CDH23: variants seen among roughly 807,000 people sequenced by gnomAD.
The protein encoded by CDH23 is cadherin-23.
In CDH23, 189 loss-of-function variants were observed where a neutral mutation model predicts 317.1. That is an observed-to-expected ratio of 0.60 (90% CI 0.53 to 0.67). CDH23 has a LOEUF of 0.67. CDH23 is among the 30% of genes least tolerant of loss of function. The pLI is 0.00. For synonymous variants in CDH23, 1,839 were observed against 1,876.8 expected (o/e 0.98, Z 0.52); for missense variants, 4,401 against 4,592.4 (o/e 0.96, Z 1.20).
At chr10:71,777,574 C>T in intron 38 of CDH23, 106 bp from the exon 39 acceptor site, 1 of 949,294 alleles carries the variant, frequency 1.1e-6, no homozygotes, top group Non-Finnish European at 1.6e-6. Flanking sequence ...CTTGCCCTTT[C>T]TGTTTGAGTC....
At chr10:71,761,515 C>A in intron 38 of CDH23, 1 of 1,418,848 alleles carries the variant, frequency 7.0e-7, no homozygotes, top group East Asian at 2.5e-5. Context: ...CACACTCTGC[C>A]CAGCACAGTG....
At chr10:71,737,605 G>A in intron 34 of CDH23, 1 of 449,656 alleles carries the variant, frequency 2.2e-6, no homozygotes, top group Non-Finnish European at 4.5e-6. Context: ...AACCCCACAT[G>A]CAGGGAAGCA....
At chr10:71,803,140 A>G in intron 54 of CDH23, 65 bp downstream of exon 54, 1 of 1,603,036 alleles carries the variant, frequency 6.2e-7, no homozygotes. Flanking sequence ...CTGCCAGCCC[A>G]GGCCAGGAGT....
chr10:71,436,139 G>T (rs539318437), intron 1 of CDH23, among the ~76,000 whole-genome samples: 4 of 152,276 alleles, frequency 2.6e-5, no homozygotes, highest in Non-Finnish European at 5.9e-5. Context: ...GCAGAGTCAG[G>T]TTGGAGCTGA....
intron 40 of CDH23, 64 bp from the exon 41 acceptor site, chr10:71,779,203 G>A: frequency 6.7e-7 from 1 of 1,492,784 alleles, no homozygotes; most frequent in Non-Finnish European, 9.3e-7. Context: ...ACAGAGGAAG[G>A]AACTGAGGCC....
intron 3 of CDH23, among the ~76,000 whole-genome samples, chr10:71,472,856 G>A (rs1384739122): frequency 1.3e-5 from 2 of 152,194 alleles, no homozygotes; most frequent in Non-Finnish European, 1.5e-5. Context: ...AATTGTGCTC[G>A]GAATGAGATT....
rs138712420 is a variant in CDH23 at position 71,427,256 on chromosome 10, A to G, written c.-5-12571A>G. On this transcript the variant is annotated intron_variant, in intron 1 of 69. Coordinates refer to ENST00000224721, the MANE Select transcript of CDH23 (RefSeq NM_022124.6). ...AAGAAAGAAAGAAAGGGAAAGAAAG[A>G]AAGAGAAAGAGAGAAAGAAGAAAGC... Among the ~76,000 whole-genome samples the G allele has an allele frequency of 5.2e-3, 761 of 147,632 alleles. 18 individuals carry two copies. Among genetic ancestry groups the G allele is most frequent in the African/African-American group, 0.017 (677 of 39,390 alleles).
At chr10:71,649,432 C>T (rs986788836) in intron 14 of CDH23, among the ~76,000 whole-genome samples, 3 of 152,204 alleles carry the variant, frequency 2.0e-5, no homozygotes, top group Admixed American at 6.5e-5. Flanking sequence ...CCTGGCGTGG[C>T]CCTGCTTCAG....
chr10:71,796,345 G>A (rs967036335), intron 48 of CDH23, among the ~76,000 whole-genome samples: 6 of 152,180 alleles, frequency 3.9e-5, no homozygotes, highest in Non-Finnish European at 5.9e-5. Flanking sequence ...TCTGATTTGG[G>A]GAGCAGGCAG....
rs775525348 is a variant in CDH23, at chr10:71,805,791, C to G, written c.7873-15C>G. Reference sequence around the variant, plus strand: ...TTCAGGGGTCCAGGAGCCTTCCTCCCCATGCTCCCCACAGGAGATCCCGCT... The same window carrying G: ...TTCAGGGGTCCAGGAGCCTTCCTCCGCATGCTCCCCACAGGAGATCCCGCT... On this transcript the variant is annotated splice_polypyrimidine_tract_variant and intron_variant, in intron 55 of 69. Transcript: ENST00000224721. The G allele has an allele frequency of 1.9e-6, 3 of 1,604,924 alleles. No individual in the cohort carries two copies. Among genetic ancestry groups the G allele is most frequent in the Non-Finnish European group, 2.6e-6 (3 of 1,174,736 alleles).
intron 11 of CDH23, among the ~76,000 whole-genome samples, chr10:71,641,955 G>C (rs1862572145): frequency 6.6e-6 from 1 of 152,126 alleles, no homozygotes; most frequent in Admixed American, 6.5e-5. Flanking sequence ...AATTAGCCGG[G>C]CATGGTGGTG....
chr10:71,707,195 C>T (rs1865826118), intron 26 of CDH23, 146 bp downstream of exon 26: 1 of 1,512,298 alleles, frequency 6.6e-7, no homozygotes, highest in Non-Finnish European at 8.9e-7. Context: ...TCTGGTGGTG[C>T]CTCCCGAGGA....
intron 61 of CDH23, 37 bp from the exon 62 acceptor site, chr10:71,810,435 G>A: frequency 1.9e-6 from 3 of 1,584,346 alleles, no homozygotes; most frequent in Non-Finnish European, 2.6e-6. Flanking sequence ...GCCCCCTGCT[G>A]TGGTGGCCAC....
intron 6 of CDH23, among the ~76,000 whole-genome samples, chr10:71,550,934 C>A (rs938962091): frequency 3.3e-5 from 5 of 152,116 alleles, no homozygotes; most frequent in African/African-American, 9.7e-5. Flanking sequence ...AGAGCCAGCC[C>A]CCACCGGCTG....
chr10:71,631,440 G>T (rs1243297427), intron 11 of CDH23, among the ~76,000 whole-genome samples: 1 of 152,208 alleles, frequency 6.6e-6, no homozygotes, highest in Non-Finnish European at 1.5e-5. Context: ...ACTGATGACA[G>T]GAGGAAGATT....
At chr10:71,493,209 C>T (rs1297293586) in intron 3 of CDH23, among the ~76,000 whole-genome samples, 1 of 152,118 alleles carries the variant, frequency 6.6e-6, no homozygotes, top group African/African-American at 2.4e-5. Flanking sequence ...ATTATGATCC[C>T]AGGTGCTCAG....
chr10:71,432,517 AGTGTGT>A (rs201982648), intron 1 of CDH23, among the ~76,000 whole-genome samples: 1 of 144,614 alleles, frequency 6.9e-6, no homozygotes. Context: ...GGTGAGTGTG[AGTGTGT>A]GGGTGAGTGT....
intron 45 of CDH23, among the ~76,000 whole-genome samples, chr10:71,790,019 G>A (rs1282473646): frequency 6.6e-6 from 1 of 152,228 alleles, no homozygotes; most frequent in African/African-American, 2.4e-5. Flanking sequence ...AAAGGCTGCT[G>A]GGAAGGCAGA....
intron 9 of CDH23, among the ~76,000 whole-genome samples, chr10:71,586,743 C>T (rs1859095703): frequency 1.3e-5 from 2 of 152,172 alleles, no homozygotes; most frequent in South Asian, 4.1e-4. Context: ...TATCTTATCG[C>T]ATATATGTGG....
Sources: allele counts gnomAD v4.1 joint callset (sites outside exome capture counted in the v4.1 genomes callset), GRCh38; gene constraint gnomAD v4.1.1; transcripts MANE v1.5; gene names NCBI Gene and HGNC (gene_info 2026-07-23, HGNC 2026-07-21).